USH2A: variants seen among roughly 807,000 people sequenced by gnomAD.
The protein encoded by USH2A is usherin.
USH2A carries 443 observed loss-of-function variants against 538.9 expected under a neutral mutation model. That is an observed-to-expected ratio of 0.82 (90% confidence interval 0.76 to 0.89). The LOEUF (loss-of-function observed/expected upper bound fraction) is 0.89, where lower values mean the gene tolerates loss of function less well. Ranked by LOEUF, USH2A falls within the 40% of genes least tolerant of loss-of-function variation. USH2A has a pLI of 0.00. For synonymous variants in USH2A, 2,413 were observed against 2,273.5 expected, an observed-to-expected ratio of 1.06 and a Z score of -1.75; for missense variants, 6,633 against 6,324.8, an observed-to-expected ratio of 1.05 and a Z score of -1.65.
intron 3 of USH2A, among the ~76,000 whole-genome samples, chr1:216,378,852 T>G (rs1188491601): frequency 6.6e-6 from 1 of 152,166 alleles, no homozygotes; most frequent in Non-Finnish European, 1.5e-5. Flanking sequence ...ATTCTTTATA[T>G]TTTTATAATT....
At position 216,084,721 on chromosome 1, in the gene USH2A, T is replaced by A. The variant is rs528113865; in HGVS notation, c.5144A>T (p.Glu1715Val). 1 of 1,613,352 alleles carries A rather than the reference T, an allele frequency of 6.2e-7. No homozygotes were observed. Among genetic ancestry groups the A allele is most frequent in the South Asian group, 1.1e-5 (1 of 91,078 alleles). The change falls in exon 25 of 72, where the codon GAG becomes GTG. Residue 1715 changes from glutamate to valine, a missense_variant. By Grantham distance (121) the Glu-to-Val change is moderately radical (BLOSUM62 -2). Coordinates refer to ENST00000307340, the MANE Select transcript of USH2A (RefSeq NM_206933.4). ...SWEGCPASLN[E>V]GAQFLGAGFL... Reference sequence around the variant, plus strand: ...ACCTGCTCCTAGGAACTGAGCTCCCTCATTTAATGAAGCGGGACATCCCTC... The same window carrying A: ...ACCTGCTCCTAGGAACTGAGCTCCCACATTTAATGAAGCGGGACATCCCTC...
intron 32 of USH2A, among the ~76,000 whole-genome samples, chr1:216,003,250 C>T (rs1668308923): frequency 6.6e-6 from 1 of 152,044 alleles, no homozygotes; most frequent in South Asian, 2.1e-4. Context: ...TTGTCAAATC[C>T]TCCATCCCTA....
intron 65 of USH2A, among the ~76,000 whole-genome samples, chr1:215,649,806 A>G (rs981458261): frequency 1.3e-5 from 2 of 152,228 alleles, no homozygotes; most frequent in African/African-American, 4.8e-5. Flanking sequence ...TGAACAAAGT[A>G]TTATAATCTC....
chr1:215,660,860 G>C (rs531968070), intron 64 of USH2A, among the ~76,000 whole-genome samples: 3 of 152,260 alleles, frequency 2.0e-5, no homozygotes, highest in African/African-American at 7.2e-5. Context: ...CAATTAACAA[G>C]AAGAAGTCTC....
chr1:216,100,208 G>A (rs567773348), intron 21 of USH2A, among the ~76,000 whole-genome samples: 93 of 152,300 alleles, frequency 6.1e-4, no homozygotes, highest in African/African-American at 2.2e-3. Context: ...AGAATGGACA[G>A]ACTCTTGACT....
chr1:216,116,290 G>A (rs987223789), intron 21 of USH2A, among the ~76,000 whole-genome samples: 2 of 151,792 alleles, frequency 1.3e-5, no homozygotes, highest in Non-Finnish European at 2.9e-5. Flanking sequence ...TTTGATAAAA[G>A]AAATTTCAAA....
chr1:215,648,220 T>C (rs1246307311), intron 66 of USH2A, among the ~76,000 whole-genome samples: 1 of 152,260 alleles, frequency 6.6e-6, no homozygotes, highest in Non-Finnish European at 1.5e-5. Flanking sequence ...TGCTTCCAGA[T>C]AACCATTAGG....
At chr1:216,207,988 A>G (rs1270998448) in intron 15 of USH2A, among the ~76,000 whole-genome samples, 1 of 152,152 alleles carries the variant, frequency 6.6e-6, no homozygotes, top group East Asian at 1.9e-4. Context: ...AATATACTAT[A>G]TGAATGTACC....
At position 215,648,631 on chromosome 1, in the gene USH2A, C is replaced by G. The variant is rs1045959566; in HGVS notation, c.14479G>C (p.Ala4827Pro). 7 of 1,614,052 alleles carry G rather than the reference C, an allele frequency of 4.3e-6. No individual in the cohort carries two copies. The highest frequency in any genetic ancestry group is 5.9e-6 in the Non-Finnish European group (7 of 1,180,030). ...GPTAELRTHP[A>P]PPSGLSSPQI... ...GGAGAGGACAGTCCTGAGGGTGGGG[C>G]AGGATGGGTTCTCAGTTCAGCTGTC... The change falls in exon 66 of 72, where the codon GCC becomes CCC. Residue 4827 changes from alanine to proline, a missense_variant. Transcript: ENST00000307340.
chr1:216,404,608 G>A (rs1571786395), intron 3 of USH2A, among the ~76,000 whole-genome samples: 2 of 137,470 alleles, frequency 1.5e-5, no homozygotes, highest in Admixed American at 7.7e-5. Context: ...AACTCAAAGT[G>A]AAACATAGGC....
At chr1:216,180,317 T>G (rs1457467385) in intron 20 of USH2A, among the ~76,000 whole-genome samples, 1 of 152,088 alleles carries the variant, frequency 6.6e-6, no homozygotes, top group Non-Finnish European at 1.5e-5. Flanking sequence ...AAAATGTCTA[T>G]TTGAATAAAA....
At chr1:216,239,060 T>G (rs1317194860) in intron 13 of USH2A, among the ~76,000 whole-genome samples, 1 of 151,586 alleles carries the variant, frequency 6.6e-6, no homozygotes, top group Non-Finnish European at 1.5e-5. Context: ...GATAAGGGTT[T>G]CTCTTTTCAA....
At chr1:216,417,762 C>T (rs2039602235) in intron 3 of USH2A, among the ~76,000 whole-genome samples, 1 of 152,000 alleles carries the variant, frequency 6.6e-6, no homozygotes, top group Non-Finnish European at 1.5e-5. Flanking sequence ...AACCATGAGC[C>T]AATTGAACCT....
chr1:216,072,086 T>C (rs1255927416), intron 29 of USH2A, among the ~76,000 whole-genome samples: 1 of 152,188 alleles, frequency 6.6e-6, no homozygotes, highest in African/African-American at 2.4e-5. Flanking sequence ...TGGAAACACG[T>C]CTTTAGACAA....
intron 61 of USH2A, among the ~76,000 whole-genome samples, chr1:215,701,626 G>T: frequency 6.6e-6 from 1 of 152,092 alleles, no homozygotes; most frequent in East Asian, 1.9e-4. Flanking sequence ...TTTTATCAAA[G>T]ACTAGGATTG....
chr1:216,377,879 GAA>G, intron 3 of USH2A, among the ~76,000 whole-genome samples: 1 of 147,084 alleles, frequency 6.8e-6, no homozygotes, highest in East Asian at 2.0e-4. Context: ...AGGAAAGAAA[GAA>G]AGGAAGGAAG....
At chr1:216,088,934 G>A (rs1427054841) in intron 23 of USH2A, 79 bp downstream of exon 23, 6 of 1,580,098 alleles carry the variant, frequency 3.8e-6, no homozygotes, top group Non-Finnish European at 5.2e-6. Context: ...AAATAAGAAT[G>A]TAGGAATATA....
intron 44 of USH2A, among the ~76,000 whole-genome samples, chr1:215,866,209 A>G (rs1003942209): frequency 5.9e-5 from 9 of 152,162 alleles, no homozygotes; most frequent in Admixed American, 2.6e-4. Context: ...TTCTCATGGT[A>G]GATTCAGGGT....
chr1:215,724,238 CACACACACACAA>C (rs1454232866), intron 61 of USH2A, among the ~76,000 whole-genome samples: 1,728 of 143,840 alleles, frequency 0.012, 36 homozygotes, highest in African/African-American at 0.047. Context: ...CACACACACA[CACACACACACAA>C]ACACACACAC....
Sources: allele counts gnomAD v4.1 joint callset (sites outside exome capture counted in the v4.1 genomes callset), GRCh38; gene constraint gnomAD v4.1.1; transcripts MANE v1.5; gene names NCBI Gene and HGNC (gene_info 2026-07-23, HGNC 2026-07-21).